Variants in RELN observed in about 807,000 individuals in gnomAD.
RELN encodes reelin.
In RELN, 108 loss-of-function variants were observed where a neutral mutation model predicts 427.6. The ratio of observed to expected loss-of-function variants is 0.25; its 90% confidence interval spans 0.22 to 0.30. The LOEUF (loss-of-function observed/expected upper bound fraction) is 0.30. Ranked by LOEUF, RELN falls within the 10% of genes least tolerant of loss-of-function variation. The pLI is 1.00. For synonymous variants in RELN, 1,524 were observed against 1,513.4 expected (o/e 1.01, Z -0.16); for missense variants, 3,715 against 4,302.8 (o/e 0.86, Z 3.82).
intron 3 of RELN, among the ~76,000 whole-genome samples, chr7:103,790,449 C>G (rs1162896328): frequency 1.3e-5 from 2 of 152,086 alleles, no homozygotes; most frequent in Non-Finnish European, 2.9e-5. Context: ...GACCATATCT[C>G]TTGCATTTTA....
At chr7:103,497,222 A>G (rs528944525) in intron 55 of RELN, among the ~76,000 whole-genome samples, 6 of 152,220 alleles carry the variant, frequency 3.9e-5, no homozygotes, top group Admixed American at 1.3e-4. Flanking sequence ...TTAAGAAAAC[A>G]TCCTTCAAAT....
intron 2 of RELN, among the ~76,000 whole-genome samples, chr7:103,835,409 C>T (rs1165446289): frequency 6.6e-6 from 1 of 152,110 alleles, no homozygotes; most frequent in East Asian, 1.9e-4. Context: ...ATAGAATGTA[C>T]ACACCAAGAG....
intron 20 of RELN, among the ~76,000 whole-genome samples, chr7:103,627,563 A>C (rs1832355135): frequency 6.6e-6 from 1 of 151,348 alleles, no homozygotes; most frequent in African/African-American, 2.4e-5. Context: ...TCATGTCCTT[A>C]TTAAAGTGGT....
At chr7:103,696,354 C>G (rs575770516) in intron 10 of RELN, among the ~76,000 whole-genome samples, 1 of 152,254 alleles carries the variant, frequency 6.6e-6, no homozygotes, top group South Asian at 2.1e-4. Flanking sequence ...TGAATCCCCA[C>G]TCATAAGGCT....
At chr7:103,923,974 T>A (rs377384106) in intron 1 of RELN, among the ~76,000 whole-genome samples, 27 of 152,166 alleles carry the variant, frequency 1.8e-4, no homozygotes, top group African/African-American at 6.3e-4. Flanking sequence ...TATACCCCTT[T>A]TACCCATTAA....
chr7:103,491,856 T>TCTCTCTCTCTCACACACACACACACA (rs57217576), intron 58 of RELN, 97 bp downstream of exon 58: 1 of 244,048 alleles, frequency 4.1e-6, no homozygotes, highest in African/African-American at 3.8e-5. Flanking sequence ...TCTCTCTCTC[T>TCTCTCTCTCTCACACACACACACACA]CACACACACA....
Position 103,988,751 on chromosome 7 carries a change from C to T in RELN, c.226+380G>A, listed in dbSNP as rs1321609227. 6.6e-6 allele frequency among the ~76,000 whole-genome samples: 1 copy of T among 152,116 alleles called. No homozygotes were observed. Among genetic ancestry groups the T allele is most frequent in the Non-Finnish European group, 1.5e-5 (1 of 68,016 alleles). Reference sequence around the variant, plus strand: ...CCCCCCGGGGACCCATCTGGGGGGACCGGGAGCAGGACAAAGGTCTGAAAT... The same window carrying T: ...CCCCCCGGGGACCCATCTGGGGGGATCGGGAGCAGGACAAAGGTCTGAAAT... On this transcript the variant is annotated intron_variant, in intron 1 of 64. Transcript: ENST00000428762. The surrounding 1 kb of genome is among the most constrained non-coding windows in gnomAD (Gnocchi z 4.9).
chr7:103,493,155 G>C (rs1007481216), intron 57 of RELN, among the ~76,000 whole-genome samples: 1 of 152,194 alleles, frequency 6.6e-6, no homozygotes, highest in African/African-American at 2.4e-5. Context: ...AGTGGAGAGA[G>C]AGAGATTGGG....
intron 7 of RELN, among the ~76,000 whole-genome samples, chr7:103,724,585 A>G (rs1790158738): frequency 1.3e-5 from 2 of 152,296 alleles, no homozygotes; most frequent in Admixed American, 6.5e-5. Context: ...ATCAAGTTCC[A>G]CAGCTGTGAC....
At chr7:103,744,439 C>T (rs1232943809) in intron 6 of RELN, among the ~76,000 whole-genome samples, 1 of 151,932 alleles carries the variant, frequency 6.6e-6, no homozygotes, top group East Asian at 1.9e-4. Flanking sequence ...GAAATGGAGA[C>T]ACAAAAAAAC....
At chr7:103,774,460 C>T (rs965762827) in intron 4 of RELN, among the ~76,000 whole-genome samples, 2 of 152,054 alleles carry the variant, frequency 1.3e-5, no homozygotes, top group Admixed American at 1.3e-4. Context: ...TCAGGATCCA[C>T]AGAAAAAAGT....
chr7:103,700,863 C>T (rs774279282), intron 9 of RELN, 47 bp downstream of exon 9: 4 of 1,173,326 alleles, frequency 3.4e-6, no homozygotes, highest in African/African-American at 1.5e-5. Context: ...GAGAGTAGAA[C>T]TCCATCTATG....
intron 3 of RELN, among the ~76,000 whole-genome samples, chr7:103,832,876 T>C (rs549781928): frequency 9.3e-4 from 142 of 152,270 alleles, no homozygotes; most frequent in Admixed American, 1.7e-3. Flanking sequence ...TGTGGTCTTC[T>C]TCCAAAAGGT....
chr7:103,729,825 T>G (rs186223933), intron 6 of RELN, among the ~76,000 whole-genome samples: 1 of 152,242 alleles, frequency 6.6e-6, no homozygotes, highest in Admixed American at 6.5e-5. Context: ...TGGCACATAG[T>G]AGGCATGATA....
At chr7:103,492,944 C>G (rs998166499) in intron 57 of RELN, among the ~76,000 whole-genome samples, 2 of 152,030 alleles carry the variant, frequency 1.3e-5, no homozygotes, top group African/African-American at 4.8e-5. Context: ...ATGTTTTGGT[C>G]CAAGTATATC....
intron 2 of RELN, among the ~76,000 whole-genome samples, chr7:103,905,533 C>A (rs937233704): frequency 2.6e-5 from 4 of 152,186 alleles, no homozygotes; most frequent in African/African-American, 7.2e-5. Flanking sequence ...CCACCCGCCA[C>A]CCCACCTGGC....
In RELN at chr7:103,917,202, A is replaced by G. The variant is rs79791706; in HGVS notation, c.227-17T>C. Reference sequence around the variant, plus strand: ...AAATTGTCACTGAAATGTAAGAAAGAAAAAAAAAACTCTCAATACAGTCAG... The same window carrying G: ...AAATTGTCACTGAAATGTAAGAAAGGAAAAAAAAACTCTCAATACAGTCAG... On this transcript the variant is annotated splice_polypyrimidine_tract_variant and intron_variant, in intron 1 of 64. Coordinates refer to ENST00000428762, the MANE Select transcript of RELN (RefSeq NM_005045.4). The G allele has an allele frequency of 6.6e-7, 1 of 1,525,980 alleles. No homozygotes were observed. The highest frequency in any genetic ancestry group is 1.1e-5 in the South Asian group (1 of 87,522). 94.5% of individuals were successfully genotyped at this position (1,525,980 alleles called of 1,614,324 possible).
At chr7:103,927,829 G>C (rs753082837) in intron 1 of RELN, among the ~76,000 whole-genome samples, 42 of 152,136 alleles carry the variant, frequency 2.8e-4, no homozygotes, top group Non-Finnish European at 4.7e-4. Flanking sequence ...ACCAGGAGAT[G>C]TCTTGAGGCC....
intron 2 of RELN, among the ~76,000 whole-genome samples, chr7:103,835,431 G>A (rs905611403): frequency 2.0e-5 from 3 of 152,112 alleles, no homozygotes; most frequent in African/African-American, 7.2e-5. Context: ...GAACCCTACT[G>A]TTAACTATGG....
Sources: gnomAD v4.1 joint callset for allele counts (sites outside exome capture counted in the v4.1 genomes callset) on GRCh38, gnomAD v4.1.1 for gene constraint, Gnocchi (gnomAD v3.1) non-coding constraint, MANE v1.5 for transcripts, NCBI Gene and HGNC (gene_info 2026-07-23, HGNC 2026-07-21) for gene names.